SCHIP1: variants seen among roughly 807,000 people sequenced by gnomAD.
SCHIP1 encodes schwannomin interacting protein 1.
In SCHIP1, 8 loss-of-function variants were observed where a neutral mutation model predicts 29.7. That is an observed-to-expected ratio of 0.27 (90% CI 0.16 to 0.49). SCHIP1 has a LOEUF of 0.49. Among genes scored for constraint, SCHIP1 ranks in the 20% least tolerant of loss-of-function variants. SCHIP1 has a pLI of 0.99. For synonymous variants in SCHIP1, 76 were observed against 94.9 expected, an observed-to-expected ratio of 0.80 and a Z score of 1.16; for missense variants, 193 against 294.6, an observed-to-expected ratio of 0.66 and a Z score of 2.52.
chr3:159,847,006 A>G (rs961764137), intron 1 of SCHIP1, among the ~76,000 whole-genome samples: 1 of 152,176 alleles, frequency 6.6e-6, no homozygotes, highest in Admixed American at 6.5e-5. Flanking sequence ...TCTGAAATAG[A>G]AATTTAGTAC....
chr3:159,281,097 C>T, the SCHIP1 span, among the ~76,000 whole-genome samples: 1 of 146,652 alleles, frequency 6.8e-6, no homozygotes, highest in Non-Finnish European at 1.5e-5. Context: ...ATAGGTCTTT[C>T]ACAATCTCCC....
the SCHIP1 span, among the ~76,000 whole-genome samples, chr3:159,304,515 C>T: frequency 1.6e-3 from 241 of 152,298 alleles, 1 homozygote; most frequent in Middle Eastern, 3.4e-3. Context: ...CACAATCCAG[C>T]TAGCTCTCAT....
chr3:159,738,291 A>G, the SCHIP1 span, among the ~76,000 whole-genome samples: 1 of 151,934 alleles, frequency 6.6e-6, no homozygotes, highest in Non-Finnish European at 1.5e-5. Context: ...GTATATAGAT[A>G]GTAGTAACCA....
chr3:159,570,664 T>A, the SCHIP1 span, among the ~76,000 whole-genome samples: 1 of 152,194 alleles, frequency 6.6e-6, no homozygotes, highest in Non-Finnish European at 1.5e-5. Flanking sequence ...TAAAGTAGTT[T>A]TTTCCAATTC....
chr3:159,843,045 T>G (rs1454419048), intron 1 of SCHIP1, among the ~76,000 whole-genome samples: 3 of 132,714 alleles, frequency 2.3e-5, no homozygotes, highest in African/African-American at 8.3e-5. Flanking sequence ...GGAGTCTCAC[T>G]CTGTTGCCCA....
the SCHIP1 span, among the ~76,000 whole-genome samples, chr3:159,434,470 A>G: frequency 0.17 from 25,148 of 152,060 alleles, 2,434 homozygotes; most frequent in South Asian, 0.37. Flanking sequence ...AAGATGGTTC[A>G]TTAGCTCTCT....
chr3:159,662,384 A>G, the SCHIP1 span, among the ~76,000 whole-genome samples: 2 of 152,178 alleles, frequency 1.3e-5, no homozygotes, highest in African/African-American at 4.8e-5. Flanking sequence ...TTTGAGTACT[A>G]TTTCTGTGCA....
intron 6 of SCHIP1, chr3:159,894,167 C>T (rs926732955): frequency 6.6e-6 from 1 of 152,218 alleles, no homozygotes; most frequent in African/African-American, 2.4e-5. Flanking sequence ...TCCTTGTGGG[C>T]TAGCGTGGGC....
chr3:159,579,863 A>G, the SCHIP1 span, among the ~76,000 whole-genome samples: 1 of 152,134 alleles, frequency 6.6e-6, no homozygotes, highest in Admixed American at 6.6e-5. Flanking sequence ...TAACCTTGGA[A>G]GTTAGATCAG....
chr3:159,659,878 A>G, the SCHIP1 span, among the ~76,000 whole-genome samples: 179 of 152,302 alleles, frequency 1.2e-3, no homozygotes, highest in Non-Finnish European at 2.2e-3. Flanking sequence ...TTAAAGCGTG[A>G]AAAATAGGGG....
chr3:159,882,387 A>C (rs1716535307), intron 2 of SCHIP1, among the ~76,000 whole-genome samples: 1 of 152,238 alleles, frequency 6.6e-6, no homozygotes, highest in African/African-American at 2.4e-5. Context: ...ATACGTAGAT[A>C]CTAGTGGTCT....
At chr3:159,533,592 T>A in the SCHIP1 span, among the ~76,000 whole-genome samples, 1 of 152,180 alleles carries the variant, frequency 6.6e-6, no homozygotes, top group East Asian at 1.9e-4. Context: ...TTAGATGGAC[T>A]GACTCCTTCA....
the SCHIP1 span, among the ~76,000 whole-genome samples, chr3:159,373,220 C>A: frequency 6.6e-6 from 1 of 151,044 alleles, no homozygotes; most frequent in African/African-American, 2.4e-5. Context: ...TATAAATTGA[C>A]AAATTGTAAT....
chr3:159,825,363 G>A, the SCHIP1 span, among the ~76,000 whole-genome samples: 1 of 152,106 alleles, frequency 6.6e-6, no homozygotes, highest in Non-Finnish European at 1.5e-5. Flanking sequence ...AGAGTGAGTG[G>A]GCCCCTTTGA....
chr3:159,355,839 T>C, the SCHIP1 span, among the ~76,000 whole-genome samples: 47 of 152,328 alleles, frequency 3.1e-4, 1 homozygote, highest in South Asian at 8.7e-3. Flanking sequence ...TAGGATACTA[T>C]TGTTTTTACT....
chr3:159,542,282 G>T, the SCHIP1 span, among the ~76,000 whole-genome samples: 2 of 151,990 alleles, frequency 1.3e-5, no homozygotes, highest in Admixed American at 1.3e-4. Context: ...GGATACTTTT[G>T]ACATATGTAT....
At chr3:159,371,394 C>G in the SCHIP1 span, among the ~76,000 whole-genome samples, 1 of 152,100 alleles carries the variant, frequency 6.6e-6, no homozygotes, top group Admixed American at 6.6e-5. Flanking sequence ...ACTAACTCTT[C>G]TACAGAAGGG....
the SCHIP1 span, among the ~76,000 whole-genome samples, chr3:159,597,533 C>T: frequency 6.6e-6 from 1 of 152,110 alleles, no homozygotes; most frequent in Non-Finnish European, 1.5e-5. Context: ...GTGATATTTG[C>T]ATTTTTGGAC....
the SCHIP1 span, among the ~76,000 whole-genome samples, chr3:159,603,797 G>T: frequency 6.6e-6 from 1 of 152,072 alleles, no homozygotes; most frequent in Non-Finnish European, 1.5e-5. Flanking sequence ...CCATTCTTAA[G>T]ACTGGGAAGT....
Sources: gnomAD v4.1 joint callset for allele counts (sites outside exome capture counted in the v4.1 genomes callset) on GRCh38, gnomAD v4.1.1 for gene constraint, MANE v1.5 for transcripts, NCBI Gene and HGNC (gene_info 2026-07-23, HGNC 2026-07-21) for gene names.